MAMDC2: variants seen among roughly 807,000 people sequenced by gnomAD.
The protein encoded by MAMDC2 is MAM domain-containing protein 2.
Under a neutral mutation model 89.8 loss-of-function variants are expected in MAMDC2, and 57 were observed. The observed-to-expected ratio is 0.63, with a 90% CI of 0.51 to 0.79. The LOEUF (loss-of-function observed/expected upper bound fraction) is 0.79. MAMDC2 is among the 30% of genes least tolerant of loss of function. The pLI is 0.00. For missense variants in MAMDC2, 800 were observed against 820.6 expected, an observed-to-expected ratio of 0.97 and a Z score of 0.31; for synonymous variants, 313 against 293.4, an observed-to-expected ratio of 1.07 and a Z score of -0.68.
intron 9 of MAMDC2, among the ~76,000 whole-genome samples, chr9:70,154,875 C>G (rs72710496): frequency 6.8e-4 from 104 of 152,184 alleles, no homozygotes; most frequent in Non-Finnish European, 1.3e-3. Context: ...CCCTTTGAAA[C>G]AGCTTCCCAT....
intron 11 of MAMDC2, among the ~76,000 whole-genome samples, chr9:70,200,268 A>G (rs1216992529): frequency 2.6e-5 from 4 of 151,122 alleles, no homozygotes; most frequent in Admixed American, 6.6e-5. Flanking sequence ...CTTCCTACAT[A>G]TGGCTAGCCA....
intron 11 of MAMDC2, chr9:70,217,053 G>A (rs1312935434): frequency 3.9e-5 from 17 of 439,666 alleles, no homozygotes; most frequent in South Asian, 2.5e-4. Flanking sequence ...TCTACATGCC[G>A]ATTAATCCTG....
intron 11 of MAMDC2, among the ~76,000 whole-genome samples, chr9:70,178,181 ACAG>A (rs2032554963): frequency 6.6e-6 from 1 of 152,202 alleles, no homozygotes; most frequent in Non-Finnish European, 1.5e-5. Flanking sequence ...TGCTGCTATA[ACAG>A]AATGGCTGAA....
intron 9 of MAMDC2, among the ~76,000 whole-genome samples, chr9:70,155,519 C>T (rs2031729283): frequency 1.3e-5 from 2 of 152,338 alleles, no homozygotes; most frequent in African/African-American, 4.8e-5. Flanking sequence ...ATTATTCCCT[C>T]TCTCGTAAAT....
chr9:70,206,367 C>G (rs1029499101), intron 11 of MAMDC2, among the ~76,000 whole-genome samples: 1 of 152,130 alleles, frequency 6.6e-6, no homozygotes, highest in African/African-American at 2.4e-5. Context: ...TGTACAGGAA[C>G]AGTCTATACA....
intron 2 of MAMDC2, among the ~76,000 whole-genome samples, chr9:70,090,276 C>T (rs1162230158): frequency 6.6e-6 from 1 of 151,942 alleles, no homozygotes; most frequent in Non-Finnish European, 1.5e-5. Flanking sequence ...AGTTCAAGAC[C>T]AGCCTTGGCA....
intron 7 of MAMDC2, among the ~76,000 whole-genome samples, chr9:70,132,475 T>C (rs2030847209): frequency 6.6e-6 from 1 of 151,766 alleles, no homozygotes; most frequent in African/African-American, 2.4e-5. Flanking sequence ...CAAGATAGAG[T>C]TGGTTTGTAA....
chr9:70,131,842 G>A (rs1284145506), intron 7 of MAMDC2, among the ~76,000 whole-genome samples: 1 of 152,112 alleles, frequency 6.6e-6, no homozygotes, highest in South Asian at 2.1e-4. Context: ...TCTTAGGAAG[G>A]TTTCATCTTT....
intron 3 of MAMDC2, chr9:70,109,235 T>C (rs1828434742): frequency 6.5e-6 from 1 of 154,008 alleles, no homozygotes; most frequent in South Asian, 2.1e-4. Context: ...TCCTTCCCTG[T>C]CAGCCAGTGG....
rs1481095455 is a variant in MAMDC2, at chr9:70,226,035, A to T, written c.*3A>T. 15 of 1,538,446 alleles carry T rather than the reference A, an allele frequency of 9.8e-6. 1 individual carries two copies. The highest frequency in any genetic ancestry group is 4.4e-4 in the Middle Eastern group (2 of 4,508). ...ACTTAAATGAAATTGAGTATTAAGA[A>T]ATGATCTGCATTGGATTTACTAGAC... On this transcript the variant is annotated 3_prime_UTR_variant, in exon 14 of 14. Transcript: ENST00000377182.
chr9:70,146,192 C>A (rs1027673197), intron 9 of MAMDC2, among the ~76,000 whole-genome samples: 37 of 152,176 alleles, frequency 2.4e-4, no homozygotes, highest in African/African-American at 8.7e-4. Context: ...GATAAGGGTG[C>A]CCCTAGGAAT....
chr9:70,221,325 G>A (rs2033550458), intron 12 of MAMDC2, among the ~76,000 whole-genome samples: 2 of 114,562 alleles, frequency 1.7e-5, no homozygotes, highest in Admixed American at 2.0e-4. Flanking sequence ...TTGAGACCCT[G>A]TCTCTAAAAA....
intron 9 of MAMDC2, among the ~76,000 whole-genome samples, chr9:70,163,590 A>C (rs1470234543): frequency 6.6e-6 from 1 of 152,278 alleles, no homozygotes; most frequent in African/African-American, 2.4e-5. Context: ...AACTAAATCT[A>C]GTCCATTTTT....
At chr9:70,133,703 C>T (rs964029481) in intron 7 of MAMDC2, among the ~76,000 whole-genome samples, 5 of 152,160 alleles carry the variant, frequency 3.3e-5, no homozygotes, top group East Asian at 1.9e-4. Flanking sequence ...ATAGCAAAGA[C>T]GGAAGAAGCT....
At chr9:70,164,330 T>C (rs1047424392) in intron 9 of MAMDC2, among the ~76,000 whole-genome samples, 4 of 152,180 alleles carry the variant, frequency 2.6e-5, no homozygotes, top group Non-Finnish European at 5.9e-5. Context: ...TAGTAGAGAG[T>C]AAGTTAAGTA....
At chr9:70,199,902 GTTCTT>G (rs2033062755) in intron 11 of MAMDC2, among the ~76,000 whole-genome samples, 1 of 151,328 alleles carries the variant, frequency 6.6e-6, no homozygotes, top group Non-Finnish European at 1.5e-5. Context: ...GGGGTTGTTT[GTTCTT>G]TTCTTGTAAA....
chr9:70,149,388 G>A (rs1256869039), intron 9 of MAMDC2, among the ~76,000 whole-genome samples: 10 of 152,010 alleles, frequency 6.6e-5, no homozygotes, highest in Admixed American at 6.6e-4. Flanking sequence ...GATCAGGCAG[G>A]GGAAGCTGTC....
chr9:70,193,439 T>C (rs533734967), intron 11 of MAMDC2, among the ~76,000 whole-genome samples: 1 of 152,076 alleles, frequency 6.6e-6, no homozygotes, highest in South Asian at 2.1e-4. Flanking sequence ...TTCAAGGGAG[T>C]ATTAACTATT....
At position 70,218,398 on chromosome 9, in the gene MAMDC2, C is replaced by T. The variant is rs2033488991; in HGVS notation, c.1713C>T (p.Ser571=). The change falls in exon 12 of 14, where the codon TCC becomes TCT. Residue 571 remains serine, a synonymous_variant. Transcript: ENST00000377182. ...MVYGQKARLL[S]RPLRGVSGKH... The stretch of plus-strand genomic sequence containing the variant: ...ATGGACAAAAAGCACGCCTCTTGTC[C>T]AGGCCTCTGCGAGGAGTCTCTGGAA... The T allele has an allele frequency of 6.2e-7, 1 of 1,614,184 alleles. No homozygotes were observed. Among genetic ancestry groups the T allele is most frequent in the Non-Finnish European group, 8.5e-7 (1 of 1,180,030 alleles).
Sources: gnomAD v4.1 joint callset for allele counts (sites outside exome capture counted in the v4.1 genomes callset) on GRCh38, gnomAD v4.1.1 for gene constraint, MANE v1.5 for transcripts, NCBI Gene and HGNC (gene_info 2026-07-23, HGNC 2026-07-21) for gene names.